The following SGCD variants were observed in gnomAD, a reference collection of about 807,000 sequenced individuals.
SGCD encodes sarcoglycan delta, also known as delta-sarcoglycan.
SGCD carries 18 observed loss-of-function variants against 36.6 expected under a neutral mutation model. That is an observed-to-expected ratio of 0.49 (90% CI 0.34 to 0.73). The LOEUF (loss-of-function observed/expected upper bound fraction) is 0.73, where lower values mean the gene tolerates loss of function less well. Ranked by LOEUF, SGCD falls within the 30% of genes least tolerant of loss-of-function variation. The pLI is 0.01. For missense variants in SGCD, 387 were observed against 346.7 expected, an observed-to-expected ratio of 1.12 and a Z score of -0.92; for synonymous variants, 133 against 130.6, an observed-to-expected ratio of 1.02 and a Z score of -0.12.
At chr5:156,045,894 TG>T (rs1202363801) in intron 1 of SGCD, among the ~76,000 whole-genome samples, 2 of 152,122 alleles carry the variant, frequency 1.3e-5, no homozygotes, top group Non-Finnish European at 2.9e-5. Context: ...ATGAATATTT[TG>T]GGGGCACACA....
chr5:156,362,424 G>A (rs1327288180), intron 3 of SGCD, among the ~76,000 whole-genome samples: 1 of 152,210 alleles, frequency 6.6e-6, no homozygotes, highest in African/African-American at 2.4e-5. Context: ...CAGGCGGGCG[G>A]ATCATGAGGT....
At chr5:155,899,432 C>A (rs990573394) in intron 1 of SGCD, among the ~76,000 whole-genome samples, 3 of 152,136 alleles carry the variant, frequency 2.0e-5, no homozygotes, top group Non-Finnish European at 1.5e-5. Context: ...AGCATTGTTT[C>A]AAAAATCCTC....
intron 7 of SGCD, among the ~76,000 whole-genome samples, chr5:156,727,054 G>A (rs78593569): frequency 6.6e-6 from 1 of 152,306 alleles, no homozygotes; most frequent in East Asian, 1.9e-4. Context: ...GTTTATTCAG[G>A]ACCATTGCAA....
intron 3 of SGCD, among the ~76,000 whole-genome samples, chr5:156,316,713 A>G (rs185589641): frequency 2.0e-4 from 30 of 152,178 alleles, no homozygotes; most frequent in African/African-American, 7.2e-4. Flanking sequence ...TGGAGAAAGG[A>G]TAGTCTCTTC....
At position 156,193,515 on chromosome 5, in the gene SGCD, C is replaced by T. The variant is rs183543666; in HGVS notation, c.-44+69496C>T. Among the ~76,000 whole-genome samples, 4 of 152,290 alleles carry T rather than the reference C, an allele frequency of 2.6e-5. No individual in the cohort carries two copies. The East Asian group carries it at 7.7e-4, about 29-fold the overall frequency. On this transcript the variant is annotated intron_variant, in intron 3 of 9. Transcript: ENST00000517913. ...CAGAAAGCACATTCCTTCTGCACAG[C>T]TGATATGTCCTAACATGTCTACCCT...
At chr5:156,362,065 G>T (rs1043592115) in intron 3 of SGCD, among the ~76,000 whole-genome samples, 2 of 152,198 alleles carry the variant, frequency 1.3e-5, no homozygotes, top group Non-Finnish European at 2.9e-5. Context: ...ACTTAGAGTA[G>T]GCTGTCTATG....
intron 6 of SGCD, among the ~76,000 whole-genome samples, chr5:156,622,115 A>G (rs544574464): frequency 6.6e-6 from 1 of 152,140 alleles, no homozygotes; most frequent in African/African-American, 2.4e-5. Flanking sequence ...TTTTTTGTAT[A>G]AAGTGCCTAT....
chr5:155,892,601 C>T (rs191666849), intron 1 of SGCD, among the ~76,000 whole-genome samples: 88 of 151,982 alleles, frequency 5.8e-4, no homozygotes, highest in Non-Finnish European at 2.9e-5. Flanking sequence ...TATAGTACTT[C>T]ATCATCTGAT....
At chr5:155,868,360 CTTTTTTTTT>C (rs10532701), upstream of SGCD, among the ~76,000 whole-genome samples, 2 of 110,734 alleles carry the variant, frequency 1.8e-5, no homozygotes, top group African/African-American at 7.0e-5. Context: ...CCCTTTTTTT[CTTTTTTTTT>C]TTTTTTTTTT....
chr5:155,817,938 A>G, the SGCD span, among the ~76,000 whole-genome samples: 2 of 152,240 alleles, frequency 1.3e-5, no homozygotes, highest in South Asian at 4.1e-4. Flanking sequence ...AAGTTAAAAT[A>G]AAGCAAAGTT....
chr5:156,484,671 A>G (rs1035851432), intron 3 of SGCD, among the ~76,000 whole-genome samples: 7 of 152,164 alleles, frequency 4.6e-5, no homozygotes, highest in African/African-American at 1.7e-4. Flanking sequence ...ATTCTCACAT[A>G]TATATTAGTC....
At chr5:156,501,030 A>G (rs1313261719) in intron 3 of SGCD, among the ~76,000 whole-genome samples, 1 of 152,168 alleles carries the variant, frequency 6.6e-6, no homozygotes, top group African/African-American at 2.4e-5. Context: ...CTGGAGGTCC[A>G]AATGTTCTGC....
chr5:156,351,512 G>A (rs74858360), intron 3 of SGCD, among the ~76,000 whole-genome samples: 7 of 152,024 alleles, frequency 4.6e-5, no homozygotes, highest in Non-Finnish European at 7.4e-5. Flanking sequence ...TACCTCCTAG[G>A]ATTGTTGTAA....
chr5:156,568,399 A>C (rs150189370), intron 4 of SGCD, among the ~76,000 whole-genome samples: 25 of 152,312 alleles, frequency 1.6e-4, no homozygotes, highest in Admixed American at 3.3e-4. Context: ...AAATAAATAA[A>C]GACTCAGGTA....
intron 3 of SGCD, among the ~76,000 whole-genome samples, chr5:156,369,777 G>A (rs547268485): frequency 6.6e-6 from 1 of 152,278 alleles, no homozygotes; most frequent in South Asian, 2.1e-4. Flanking sequence ...GACATTGGGG[G>A]TTTAAAACCA....
At chr5:156,232,491 C>A (rs1253749428) in intron 3 of SGCD, among the ~76,000 whole-genome samples, 1 of 152,198 alleles carries the variant, frequency 6.6e-6, no homozygotes, top group East Asian at 1.9e-4. Context: ...TATTTGTGAG[C>A]CTTTCACACT....
intron 4 of SGCD, among the ~76,000 whole-genome samples, chr5:156,536,732 T>C (rs1226345679): frequency 6.6e-6 from 1 of 152,154 alleles, no homozygotes; most frequent in Non-Finnish European, 1.5e-5. Flanking sequence ...TTCTGGTGGC[T>C]CATTAAGAGA....
chr5:156,253,141 C>G (rs1765625899), intron 3 of SGCD, among the ~76,000 whole-genome samples: 1 of 152,058 alleles, frequency 6.6e-6, no homozygotes, highest in Non-Finnish European at 1.5e-5. Context: ...GAACTAATGT[C>G]AGAGAGTAGA....
intron 4 of SGCD, among the ~76,000 whole-genome samples, chr5:156,555,537 T>G (rs187590616): frequency 1.5e-4 from 23 of 152,266 alleles, no homozygotes; most frequent in Admixed American, 1.2e-3. Flanking sequence ...CATAGCTGTA[T>G]CAACTTATTG....
Sources: gnomAD v4.1 joint callset for allele counts (sites outside exome capture counted in the v4.1 genomes callset) on GRCh38, gnomAD v4.1.1 for gene constraint, MANE v1.5 for transcripts, NCBI Gene and HGNC (gene_info 2026-07-23, HGNC 2026-07-21) for gene names.